The following ZNF91 variants were observed in gnomAD, a reference collection of about 807,000 sequenced individuals.
ZNF91 encodes zinc finger protein 91 (HPF7, HTF10).
A neutral mutation model predicts 12.6 loss-of-function variants in ZNF91; 7 were observed. The ratio of observed to expected loss-of-function variants is 0.55; its 90% CI spans 0.31 to 1.04. The LOEUF is 1.04. Among genes scored for constraint, ZNF91 ranks in the 50% least tolerant of loss-of-function variants. The pLI is 0.05. For synonymous variants in ZNF91, 453 were observed against 462.6 expected, an observed-to-expected ratio of 0.98 and a Z score of 0.27; for missense variants, 1,217 against 1,385.4, an observed-to-expected ratio of 0.88 and a Z score of 1.93.
intron 3 of ZNF91, among the ~76,000 whole-genome samples, chr19:23,344,856 G>T (rs900313211): frequency 6.6e-6 from 1 of 152,188 alleles, no homozygotes; most frequent in Non-Finnish European, 1.5e-5. Context: ...GGAACAGTTG[G>T]CAGGAAGACA....
At chr19:23,349,618 G>A (rs1354517626) in intron 3 of ZNF91, among the ~76,000 whole-genome samples, 1 of 152,106 alleles carries the variant, frequency 6.6e-6, no homozygotes, top group Admixed American at 6.5e-5. Flanking sequence ...GCACAGATGT[G>A]TTTATCTGCC....
downstream of ZNF91, among the ~76,000 whole-genome samples, chr19:23,355,513 TG>T (rs1968464323): frequency 6.6e-6 from 1 of 151,950 alleles, no homozygotes; most frequent in African/African-American, 2.4e-5. Context: ...AAGATAAAAT[TG>T]GAAAAAAACC....
downstream of ZNF91, among the ~76,000 whole-genome samples, chr19:23,355,785 C>A (rs1968470390): frequency 6.6e-6 from 1 of 151,986 alleles, no homozygotes; most frequent in African/African-American, 2.4e-5. Context: ...GAATCTACAA[C>A]AAACTCAAGC....
upstream of ZNF91, among the ~76,000 whole-genome samples, chr19:23,314,655 C>T (rs192845665): frequency 3.3e-5 from 5 of 152,224 alleles, no homozygotes; most frequent in Admixed American, 6.5e-5. Flanking sequence ...TTTTCTTCAT[C>T]CTGAGGCTTA....
intron 3 of ZNF91, chr19:23,339,489 C>T (rs1032374028): frequency 2.8e-4 from 43 of 152,176 alleles, no homozygotes; most frequent in Admixed American, 2.6e-3. Context: ...TCTGGCAAAT[C>T]AACAAAGTAT....
In ZNF91 at chr19:23,359,469, C is replaced by T. The variant is rs376791864; in HGVS notation, c.3510G>A (p.Ala1170=). 1.0e-4 allele frequency: 162 copies of T among 1,588,542 alleles called. No individual in the cohort carries two copies. The highest frequency in any genetic ancestry group is 5.2e-4 in the South Asian group (47 of 90,258). The change falls in exon 4 of 4, where the codon GCG becomes GCA. Residue 1170 remains alanine, a synonymous_variant. Coordinates refer to ENST00000300619, the MANE Select transcript of ZNF91 (RefSeq NM_003430.4). ...PVIPLLWEAE[A]GGSRGQEMET... is the part of the protein sequence containing the mutation. ...CCATCTCCTGACCTCGTGATCCGCC[C>T]GCCTCGGCCTCCCAAAGTAGTGGGA...
At chr19:23,329,194 T>C (rs1443169752) in intron 1 of ZNF91, 2 of 152,228 alleles carry the variant, frequency 1.3e-5, no homozygotes, top group Admixed American at 6.5e-5. Context: ...AGCTTTTGAA[T>C]GATTTTCAGA....
chr19:23,308,031 G>A (rs565033679), intron 2 of ZNF91: 12 of 152,330 alleles, frequency 7.9e-5, no homozygotes, highest in African/African-American at 2.9e-4. Flanking sequence ...CCTAGGTGAT[G>A]TAACTTTTCT....
At chr19:23,317,533 G>T (rs1967592564) in intron 1 of ZNF91, among the ~76,000 whole-genome samples, 1 of 152,152 alleles carries the variant, frequency 6.6e-6, no homozygotes, top group African/African-American at 2.4e-5. Flanking sequence ...GTGCTACAAT[G>T]AGTTTCCTGA....
chr19:23,307,548 A>G (rs1967414132), intron 2 of ZNF91: 1 of 152,270 alleles, frequency 6.6e-6, no homozygotes, highest in Non-Finnish European at 1.5e-5. Flanking sequence ...GGACCTGTCC[A>G]CAGTGAAGGT....
At chr19:23,320,597 A>G (rs959967310) in intron 1 of ZNF91, among the ~76,000 whole-genome samples, 6 of 152,358 alleles carry the variant, frequency 3.9e-5, no homozygotes, top group African/African-American at 1.4e-4. Context: ...CTCACTCACT[A>G]TCACAAAAAC....
At chr19:23,374,958 A>G (rs1172538610) in intron 1 of ZNF91, among the ~76,000 whole-genome samples, 194 bp from the exon 2 acceptor site, 1 of 152,240 alleles carries the variant, frequency 6.6e-6, no homozygotes, top group Non-Finnish European at 1.5e-5. Context: ...AGAGAGTGGC[A>G]TAATACCCAC....
At chr19:23,364,860 CAT>C (rs1347451537) in intron 3 of ZNF91, among the ~76,000 whole-genome samples, 7 of 152,080 alleles carry the variant, frequency 4.6e-5, no homozygotes, top group Non-Finnish European at 8.8e-5. Context: ...TGGAAAAAGA[CAT>C]ATGGCTCAAT....
chr19:23,308,853 G>C (rs1967431280), intron 2 of ZNF91: 1 of 152,106 alleles, frequency 6.6e-6, no homozygotes, highest in Non-Finnish European at 1.5e-5. Context: ...CAGAACCTAG[G>C]TAATGTGACT....
chr19:23,392,710 G>C (rs1347914616), intron 1 of ZNF91, among the ~76,000 whole-genome samples: 2 of 151,882 alleles, frequency 1.3e-5, no homozygotes, highest in Admixed American at 6.6e-5. Context: ...AGAATTCCTT[G>C]AATGTTTGAA....
chr19:23,362,532 G>A lies in ZNF91; in HGVS notation c.447C>T (p.Ala149=), dbSNP rs73926135. ...TCCCACATTGAAATACTTTGCTCTG[G>A]GCAGTTGTGAGACACTGGTTAAGTT... ...YNKLNQCLTT[A]QSKVFQCGKY... is the part of the protein sequence containing the mutation. The change falls in exon 4 of 4, where the codon GCC becomes GCT. Residue 149 remains alanine, a synonymous_variant. Coordinates refer to ENST00000300619, the MANE Select transcript of ZNF91 (RefSeq NM_003430.4). The A allele has an allele frequency of 2.3e-3, 3,615 of 1,602,270 alleles. 86 individuals are homozygous for A. The African/African-American group carries it at 0.042, about 19-fold the overall frequency.
At chr19:23,384,123 T>A (rs1030695436) in intron 1 of ZNF91, among the ~76,000 whole-genome samples, 3 of 152,170 alleles carry the variant, frequency 2.0e-5, no homozygotes, top group African/African-American at 7.2e-5. Context: ...AAAATTAAAA[T>A]TAAAATTAAA....
intron 3 of ZNF91, among the ~76,000 whole-genome samples, chr19:23,349,693 G>A (rs989876631): frequency 6.6e-6 from 1 of 151,830 alleles, no homozygotes; most frequent in African/African-American, 2.4e-5. Flanking sequence ...TACGCAGCAT[G>A]CCAACTGCAG....
At chr19:23,376,555 A>G (rs1371553145) in intron 1 of ZNF91, among the ~76,000 whole-genome samples, 1 of 151,834 alleles carries the variant, frequency 6.6e-6, no homozygotes, top group Non-Finnish European at 1.5e-5. Flanking sequence ...ACACCCAGCT[A>G]ATTTTGTATT....
Sources: gnomAD v4.1 joint callset for allele counts (sites outside exome capture counted in the v4.1 genomes callset) on GRCh38, gnomAD v4.1.1 for gene constraint, MANE v1.5 for transcripts, NCBI Gene and HGNC (gene_info 2026-07-23, HGNC 2026-07-21) for gene names.